CUBN: variants seen among roughly 807,000 people sequenced by gnomAD.
The protein encoded by CUBN is 460 kDa receptor.
Under a neutral mutation model 405.3 loss-of-function variants are expected in CUBN, and 282 were observed. That is an observed-to-expected ratio of 0.70 (90% CI 0.63 to 0.77). CUBN has a LOEUF of 0.77. Among genes scored for constraint, CUBN ranks in the 30% least tolerant of loss-of-function variants. The probability of loss-of-function intolerance (pLI) is 0.00; values close to 1 mark genes in which losing one functional copy is unlikely to be tolerated. For missense variants in CUBN, 4,514 were observed against 4,475.2 expected (o/e 1.01, Z -0.25); for synonymous variants, 1,684 against 1,617.0 (o/e 1.04, Z -0.99).
intron 31 of CUBN, among the ~76,000 whole-genome samples, chr10:16,976,504 T>G (rs1265349051): frequency 3.2e-5 from 1 of 30,800 alleles, no homozygotes. Flanking sequence ...GTTATTATTA[T>G]TTTTTTTTTA....
At chr10:16,882,385 T>G (rs1239192097) in intron 56 of CUBN, among the ~76,000 whole-genome samples, 1 of 152,250 alleles carries the variant, frequency 6.6e-6, no homozygotes, top group Non-Finnish European at 1.5e-5. Flanking sequence ...CCTAAAAACT[T>G]TAAAACATAT....
chr10:17,097,225 T>C lies in CUBN; in HGVS notation c.1765+2780A>G, dbSNP rs180884564. Among the ~76,000 whole-genome samples the C allele has an allele frequency of 3.3e-5, 5 of 151,936 alleles. No individual in the cohort carries two copies. In the East Asian group the frequency reaches 7.7e-4, roughly 23 times the overall value. On this transcript the variant is annotated intron_variant, in intron 14 of 66. Transcript: ENST00000377833. ...ACTTATCAAGGTAAAAAAGATAACA[T>C]AAATTATCAATATCAGGAATGAAAA... is the stretch of plus-strand genomic sequence containing the variant.
chr10:17,108,418 CAT>C (rs1330605353), intron 10 of CUBN, among the ~76,000 whole-genome samples: 2 of 151,276 alleles, frequency 1.3e-5, no homozygotes, highest in Non-Finnish European at 2.9e-5. Flanking sequence ...TTTACATACA[CAT>C]ATATGTTCTT....
At chr10:16,844,050 G>A (rs745340992) in intron 60 of CUBN, among the ~76,000 whole-genome samples, 10 of 151,932 alleles carry the variant, frequency 6.6e-5, no homozygotes, top group Non-Finnish European at 1.0e-4. Context: ...CAGGCGGATC[G>A]CCTGAGGTCA....
At chr10:16,947,211 A>G in intron 36 of CUBN, 24 bp downstream of exon 36, 1 of 1,613,420 alleles carries the variant, frequency 6.2e-7, no homozygotes, top group Non-Finnish European at 8.5e-7. Flanking sequence ...GCACTGAAAC[A>G]ATACACCATA....
chr10:16,945,964 T>C (rs1206448376), intron 36 of CUBN, among the ~76,000 whole-genome samples: 1 of 152,148 alleles, frequency 6.6e-6, no homozygotes, highest in African/African-American at 2.4e-5. Flanking sequence ...AATAGGATAG[T>C]TGTCCCATAT....
At chr10:16,857,222 G>A (rs968303513) in intron 59 of CUBN, among the ~76,000 whole-genome samples, 1 of 152,044 alleles carries the variant, frequency 6.6e-6, no homozygotes, top group African/African-American at 2.4e-5. Context: ...GTTTTTAGTT[G>A]CTTCACTTAA....
intron 62 of CUBN, among the ~76,000 whole-genome samples, chr10:16,838,357 T>A (rs1392849071): frequency 6.6e-6 from 1 of 152,172 alleles, no homozygotes; most frequent in Non-Finnish European, 1.5e-5. Context: ...CCATGACATT[T>A]TACTGGAATG....
At chr10:16,891,093 C>T (rs1359650165) in intron 54 of CUBN, among the ~76,000 whole-genome samples, 1 of 152,174 alleles carries the variant, frequency 6.6e-6, no homozygotes, top group Admixed American at 6.5e-5. Context: ...TCAGTGTGTG[C>T]TATTCACCAA....
chr10:16,968,297 T>C (rs978131754), intron 31 of CUBN, among the ~76,000 whole-genome samples: 8 of 151,960 alleles, frequency 5.3e-5, no homozygotes, highest in Non-Finnish European at 1.0e-4. Context: ...CAACAGACAT[T>C]GCAGCTTTGG....
At chr10:17,102,411 C>T (rs1388482590) in intron 13 of CUBN, among the ~76,000 whole-genome samples, 11 of 151,378 alleles carry the variant, frequency 7.3e-5, no homozygotes, top group African/African-American at 2.4e-4. Context: ...CTCAGCCTCC[C>T]GAGTACCTGA....
chr10:16,840,435 G>C lies in CUBN; in HGVS notation c.9927C>G (p.Val3309=), dbSNP rs202234356. ...CCTGCTGATGCGGAGGGGAATCAATGACCCAAGTACAGATGGAAAATGGGA... is the reference window on the plus strand; with the variant it reads ...CCTGCTGATGCGGAGGGGAATCAATCACCCAAGTACAGATGGAAAATGGGA... ...PDVPFSICTW[V]IDSPPHQQVK... Residue 3309 remains valine (V), a synonymous_variant, in exon 62 of 67, where the codon GTC becomes GTG. Transcript: ENST00000377833. 71 of 1,614,072 alleles carry C rather than the reference G, an allele frequency of 4.4e-5. 1 individual carries two copies. In the Admixed American group the frequency reaches 8.2e-4, roughly 19 times the overall value.
rs2796838 is a variant in CUBN, at chr10:16,892,940, A to G, written c.8599-2413T>C. Among the ~76,000 whole-genome samples, 6 of 152,042 alleles carry G rather than the reference A, an allele frequency of 3.9e-5. No individual in the cohort carries two copies. The South Asian group carries it at 1.2e-3, about 31-fold the overall frequency. The stretch of plus-strand genomic sequence containing the variant: ...GAAGTCATTAATTATAGATTCGACA[A>G]CTCTACCTTTTGGCCTGGGAACATA... On this transcript the variant is annotated intron_variant, in intron 54 of 66. Coordinates refer to ENST00000377833, the MANE Select transcript of CUBN (RefSeq NM_001081.4).
At chr10:17,009,270 T>C (rs144540536) in intron 28 of CUBN, among the ~76,000 whole-genome samples, 104 of 152,366 alleles carry the variant, frequency 6.8e-4, no homozygotes, top group African/African-American at 2.2e-3. Context: ...TGCATAACTC[T>C]GGCTCCAAGT....
chr10:16,914,352 A>G (rs1841821855), intron 47 of CUBN, among the ~76,000 whole-genome samples: 2 of 152,126 alleles, frequency 1.3e-5, no homozygotes, highest in South Asian at 4.1e-4. Flanking sequence ...CAAGGCCAGG[A>G]GTTCAAGACC....
intron 36 of CUBN, among the ~76,000 whole-genome samples, chr10:16,946,850 G>T (rs1415510035): frequency 6.6e-6 from 1 of 152,052 alleles, no homozygotes; most frequent in East Asian, 1.9e-4. Context: ...GTAGGGATAA[G>T]ATAAAAGCGT....
At chr10:17,078,605 T>C (rs1395148522) in intron 17 of CUBN, among the ~76,000 whole-genome samples, 1 of 152,146 alleles carries the variant, frequency 6.6e-6, no homozygotes, top group Non-Finnish European at 1.5e-5. Context: ...TACATACCCA[T>C]TCCCTAGCAT....
rs192248974 is a variant in CUBN, at chr10:17,123,424, C to G, written c.489+164G>C. ...GTATTTGGTGGGTTATACAATCATA[C>G]TCACCACTGTTTGGGTTTTAGCATA... is the stretch of plus-strand genomic sequence containing the variant. On this transcript the variant is annotated intron_variant, in intron 5 of 66. Coordinates refer to ENST00000377833, the MANE Select transcript of CUBN (RefSeq NM_001081.4). The G allele has an allele frequency of 6.2e-5, 43 of 690,166 alleles. No individual in the cohort carries two copies. In the East Asian group the frequency reaches 1.1e-3, roughly 17 times the overall value. The allele number at this position is 690,166 out of a possible 1,614,324, so 42.8% of individuals were successfully genotyped here.
At chr10:17,092,400 G>A (rs534507106) in intron 14 of CUBN, among the ~76,000 whole-genome samples, 112 of 152,226 alleles carry the variant, frequency 7.4e-4, no homozygotes, top group African/African-American at 2.6e-3. Flanking sequence ...CTTGAATAGG[G>A]GCTGGATAAA....
Sources: allele counts gnomAD v4.1 joint callset (sites outside exome capture counted in the v4.1 genomes callset), GRCh38; gene constraint gnomAD v4.1.1; transcripts MANE v1.5; gene names NCBI Gene and HGNC (gene_info 2026-07-23, HGNC 2026-07-21).